VCL: variants seen among roughly 807,000 people sequenced by gnomAD.
VCL encodes the protein epididymis luminal protein 114.
A neutral mutation model predicts 125.7 loss-of-function variants in VCL; 47 were observed. The ratio of observed to expected loss-of-function variants is 0.37; its 90% CI spans 0.30 to 0.48. The LOEUF is 0.48. Ranked by LOEUF, VCL falls within the 20% of genes least tolerant of loss-of-function variation. The pLI is 0.99. For missense variants in VCL, 1,069 were observed against 1,455.5 expected, an observed-to-expected ratio of 0.73 and a Z score of 4.32; for synonymous variants, 458 against 514.6, an observed-to-expected ratio of 0.89 and a Z score of 1.49.
At chr10:74,013,116 A>C (rs1024584300) in intron 1 of VCL, among the ~76,000 whole-genome samples, 9 of 152,170 alleles carry the variant, frequency 5.9e-5, no homozygotes, top group African/African-American at 2.2e-4. Context: ...CTTGTGGAGT[A>C]AAGTATTTGT....
At chr10:74,011,236 G>T in intron 1 of VCL, among the ~76,000 whole-genome samples, 1 of 150,700 alleles carries the variant, frequency 6.6e-6, no homozygotes, top group Non-Finnish European at 1.5e-5. Context: ...TATGTGCATT[G>T]CATGTATGCA....
intron 6 of VCL, chr10:74,076,865 G>C (rs185387041): frequency 2.0e-5 from 3 of 152,726 alleles, no homozygotes; most frequent in Admixed American, 6.5e-5. Flanking sequence ...AGGAGGAACA[G>C]GCATTTTAAC....
chr10:74,004,417 C>T (rs1840281772), intron 1 of VCL, among the ~76,000 whole-genome samples: 1 of 152,130 alleles, frequency 6.6e-6, no homozygotes, highest in Admixed American at 6.5e-5. Context: ...AGCTGGTTAA[C>T]CTGGACTTGA....
At chr10:74,004,593 A>G (rs1428570084) in intron 1 of VCL, among the ~76,000 whole-genome samples, 2 of 152,168 alleles carry the variant, frequency 1.3e-5, no homozygotes, top group Non-Finnish European at 2.9e-5. Flanking sequence ...TGGCAACAGT[A>G]TCTGTTTAGA....
chr10:74,091,970 G>A (rs909650316), intron 10 of VCL, among the ~76,000 whole-genome samples: 9 of 151,880 alleles, frequency 5.9e-5, no homozygotes, highest in Non-Finnish European at 7.4e-5. Context: ...GTGCAGTGGC[G>A]TGATCTTGGC....
At position 74,114,180 on chromosome 10, in the gene VCL, C is replaced by T; in HGVS notation, c.2950-4C>T. 1 of 1,613,092 alleles carries T rather than the reference C, an allele frequency of 6.2e-7. No homozygotes were observed. Among genetic ancestry groups the T allele is most frequent in the African/African-American group, 1.3e-5 (1 of 74,986 alleles). ...GCTCACACTGTATCTTTGCTTCCCT[C>T]TAGGGCAATGACATCATTGCAGCAG... On this transcript the variant is annotated splice_region_variant and splice_polypyrimidine_tract_variant and intron_variant, in intron 19 of 21. Coordinates refer to ENST00000211998, the MANE Select transcript of VCL (RefSeq NM_014000.3).
intron 6 of VCL, chr10:74,075,105 G>A: frequency 1.6e-6 from 1 of 644,608 alleles, no homozygotes. Context: ...GGTAGAACAA[G>A]TAAATAGGCA....
At chr10:74,023,425 A>G (rs1394532066) in intron 1 of VCL, among the ~76,000 whole-genome samples, 1 of 152,256 alleles carries the variant, frequency 6.6e-6, no homozygotes, top group Non-Finnish European at 1.5e-5. Context: ...AAAATTGTCT[A>G]AAAGCACATT....
At chr10:74,080,557 T>A (rs886083120) in intron 6 of VCL, among the ~76,000 whole-genome samples, 1 of 152,226 alleles carries the variant, frequency 6.6e-6, no homozygotes, top group Admixed American at 6.5e-5. Context: ...TAGCCTTTAA[T>A]GTTAGAGTAG....
Position 74,054,202 on chromosome 10 carries a change from C to T in VCL, c.239+11049C>T, listed in dbSNP as rs558444745. On this transcript the variant is annotated intron_variant, in intron 2 of 21. Coordinates refer to ENST00000211998, the MANE Select transcript of VCL (RefSeq NM_014000.3). ...TTTTTATAGCCTAATTTGTCTGTTTCAACTATCAGCTTATGATTGATATAT... is the reference window on the plus strand; with the variant it reads ...TTTTTATAGCCTAATTTGTCTGTTTTAACTATCAGCTTATGATTGATATAT... Among the ~76,000 whole-genome samples the T allele has an allele frequency of 9.9e-5, 15 of 152,206 alleles. No individual in the cohort carries two copies. In the South Asian group the frequency reaches 3.1e-3, roughly 31 times the overall value.
chr10:74,040,574 A>C (rs1165859526), intron 1 of VCL, among the ~76,000 whole-genome samples: 2 of 152,150 alleles, frequency 1.3e-5, no homozygotes, highest in East Asian at 3.8e-4. Flanking sequence ...AGCTTTTTGA[A>C]TGGTTAGTTT....
At position 74,111,936 on chromosome 10, in the gene VCL, A is replaced by C. The variant is rs1840227918; in HGVS notation, c.2773A>C (p.Ile925Leu). ...KPGIPAAEVG[I>L]GVVAEADAAD... The stretch of plus-strand genomic sequence containing the variant: ...GGGCATCCCAGCCGCTGAGGTGGGT[A>C]TAGGTGTTGTAGCTGAGGCAGATGC... Residue 925 changes from isoleucine (I) to leucine (L), a missense_variant, in exon 19 of 22, where the codon ATA becomes CTA. This residue lies in a region of VCL where 86 missense variants were observed against 91.0 expected (regional missense o/e 0.95). Transcript: ENST00000211998. 1.2e-6 allele frequency: 2 copies of C among 1,614,084 alleles called. No homozygotes were observed. The highest frequency in any genetic ancestry group is 4.5e-5 in the East Asian group (2 of 44,880).
intron 6 of VCL, among the ~76,000 whole-genome samples, chr10:74,079,532 C>T (rs1331525496): frequency 6.6e-6 from 1 of 152,124 alleles, no homozygotes; most frequent in African/African-American, 2.4e-5. Flanking sequence ...GCATGGCTGA[C>T]CACAAGGGTT....
At position 74,119,655 on chromosome 10, in the gene VCL, ATCCT is replaced by A. The variant is rs1480466317; in HGVS notation, c.*1494_*1497del. The A allele has an allele frequency of 6.6e-6, 1 of 152,376 alleles. No individual in the cohort carries two copies. Among genetic ancestry groups the A allele is most frequent in the Non-Finnish European group, 1.5e-5 (1 of 68,050 alleles). 9.4% of individuals were successfully genotyped at this position (152,376 alleles called of 1,614,324 possible). ...AAAGGAGTAAGAACCTTGCCTGAACATCCTTCCTTCCCACCCATCGCTGTGTGTT... is the reference window on the plus strand; with the variant it reads ...AAAGGAGTAAGAACCTTGCCTGAACATCCTTCCCACCCATCGCTGTGTGTT... On this transcript the variant is annotated 3_prime_UTR_variant, in exon 22 of 22. Transcript: ENST00000211998.
intron 1 of VCL, among the ~76,000 whole-genome samples, chr10:74,002,999 A>AAT (rs1840258114): frequency 1.3e-5 from 2 of 149,868 alleles, no homozygotes; most frequent in South Asian, 4.2e-4. Flanking sequence ...TATATATATA[A>AAT]ATATATATAT....
Position 74,072,809 on chromosome 10 carries a change from C to G in VCL, c.579C>G (p.Asn193Lys). 6.2e-7 allele frequency: 1 copy of G among 1,614,164 alleles called. No individual in the cohort carries two copies. The highest frequency in any genetic ancestry group is 8.5e-7 in the Non-Finnish European group (1 of 1,180,032). ...AGGAGCACCGAGTGATGTTGGTGAA[C>G]TCGATGAACACCGTGAAAGAGTTGC... is the stretch of plus-strand genomic sequence containing the variant. ...THQEHRVMLV[N>K]SMNTVKELLP... The change falls in exon 5 of 22, where the codon AAC (asparagine) becomes AAG (lysine). Residue 193 changes from asparagine (N) to lysine (K), a missense_variant. Transcript: ENST00000211998.
At chr10:74,044,123 T>G (rs1418553723) in intron 2 of VCL, among the ~76,000 whole-genome samples, 1 of 151,310 alleles carries the variant, frequency 6.6e-6, no homozygotes, top group Non-Finnish European at 1.5e-5. Flanking sequence ...AAAAAAAAAA[T>G]TATTGTTTCA....
At chr10:74,012,947 CTTA>C (rs1432204826) in intron 1 of VCL, among the ~76,000 whole-genome samples, 3 of 151,878 alleles carry the variant, frequency 2.0e-5, no homozygotes, top group African/African-American at 7.3e-5. Flanking sequence ...ATATTTTTTC[CTTA>C]TTATGCTTAT....
Position 74,071,454 on chromosome 10 carries a change from C to T in VCL, c.499+371C>T, listed in dbSNP as rs945472527. 1.3e-5 allele frequency among the ~76,000 whole-genome samples: 2 copies of T among 152,202 alleles called. No homozygotes were observed. Among genetic ancestry groups the T allele is most frequent in the African/African-American group, 4.8e-5 (2 of 41,464 alleles). ...CAGCTGGCCTGTAGTTCTTTATGAC[C>T]TCTTAGCTTGCTAATTAGCCTGCCT... On this transcript the variant is annotated intron_variant, in intron 4 of 21. Transcript: ENST00000211998. This position sits in a 1 kb window ranked among gnomAD's most constrained non-coding sequence, Gnocchi z 4.1.
Sources: allele counts gnomAD v4.1 joint callset (sites outside exome capture counted in the v4.1 genomes callset), GRCh38; gene constraint gnomAD v4.1.1; regional missense constraint gnomAD v4.1.1; non-coding constraint Gnocchi (gnomAD v3.1); transcripts MANE v1.5; gene names NCBI Gene and HGNC (gene_info 2026-07-23, HGNC 2026-07-21).